RBM26: variants seen among roughly 807,000 people sequenced by gnomAD.
RBM26 encodes RNA-binding protein 26.
Under a neutral mutation model 123.6 loss-of-function variants are expected in RBM26, and 30 were observed. That is an observed-to-expected ratio of 0.24 (90% CI 0.18 to 0.33). The LOEUF (loss-of-function observed/expected upper bound fraction) is 0.33. Among genes scored for constraint, RBM26 ranks in the 10% least tolerant of loss-of-function variants. RBM26 has a pLI of 1.00. For missense variants in RBM26, 947 were observed against 1,203.6 expected (o/e 0.79, Z 3.15); for synonymous variants, 400 against 404.4 (o/e 0.99, Z 0.13).
At chr13:79,403,365 G>T (rs1886493) in intron 1 of RBM26, among the ~76,000 whole-genome samples, 1,728 of 152,236 alleles carry the variant, frequency 0.011, 34 homozygotes, top group African/African-American at 0.039. Context: ...TACAGCCATC[G>T]AGAGTAGGCT....
intron 1 of RBM26, among the ~76,000 whole-genome samples, chr13:79,397,696 AAAAAAAAGAAATGAAGGTAT>A (rs1438756965): frequency 1.3e-5 from 2 of 150,946 alleles, no homozygotes; most frequent in African/African-American, 4.9e-5. Flanking sequence ...AAAAAAAAAA[AAAAAAAAGAAATGAAGGTAT>A]AAAAATCAGA....
At chr13:79,320,741 C>CAAAA in intron 21 of RBM26, 31 bp from the exon 22 acceptor site, 1 of 1,174,446 alleles carries the variant, frequency 8.5e-7, no homozygotes, top group Non-Finnish European at 1.1e-6. Flanking sequence ...AGGAATTTAC[C>CAAAA]CAAAAAAAAA....
At chr13:79,312,178 T>A (rs1159070494) in exon 5 of RBM26, 1 of 152,002 alleles carries the variant, frequency 6.6e-6, no homozygotes, top group African/African-American at 2.4e-5. Context: ...AACAATCCAG[T>A]CTCCAGACAA....
intron 11 of RBM26, among the ~76,000 whole-genome samples, chr13:79,357,124 T>C (rs2074115541): frequency 6.6e-6 from 1 of 152,154 alleles, no homozygotes; most frequent in African/African-American, 2.4e-5. Context: ...TTAACAATAA[T>C]GTAATTATAG....
intron 1 of RBM26, among the ~76,000 whole-genome samples, chr13:79,391,967 T>TA (rs2078038214): frequency 6.9e-6 from 1 of 145,158 alleles, no homozygotes; most frequent in Non-Finnish European, 1.5e-5. Flanking sequence ...TACATAATTA[T>TA]TATATAATTA....
At chr13:79,397,026 G>A (rs983628696) in intron 1 of RBM26, among the ~76,000 whole-genome samples, 5 of 151,810 alleles carry the variant, frequency 3.3e-5, no homozygotes, top group Admixed American at 6.6e-5. Context: ...CTAAAAATAC[G>A]AAAAATTAGC....
intron 14 of RBM26, among the ~76,000 whole-genome samples, chr13:79,348,753 G>A (rs925163199): frequency 1.3e-5 from 2 of 152,152 alleles, no homozygotes; most frequent in African/African-American, 4.8e-5. Flanking sequence ...ACTTAAAGCA[G>A]CACACAGATG....
chr13:79,355,450 C>A, intron 11 of RBM26, 66 bp from the exon 12 acceptor site: 1 of 1,296,018 alleles, frequency 7.7e-7, no homozygotes, highest in Non-Finnish European at 1.1e-6. Context: ...GAGTAAAATT[C>A]CCCAGTAAGT....
At chr13:79,360,184 T>G (rs1382800911) in intron 9 of RBM26, among the ~76,000 whole-genome samples, 3 of 152,164 alleles carry the variant, frequency 2.0e-5, no homozygotes, top group Non-Finnish European at 4.4e-5. Context: ...GTGTCTAATT[T>G]ATAAGTGAAA....
At chr13:79,330,413 C>T (rs1359094425) in intron 20 of RBM26, among the ~76,000 whole-genome samples, 3 of 152,104 alleles carry the variant, frequency 2.0e-5, no homozygotes, top group African/African-American at 7.2e-5. Context: ...GGTTTGTTTA[C>T]CTCTGGACTT....
intron 2 of RBM26, among the ~76,000 whole-genome samples, chr13:79,378,338 G>A (rs962528267): frequency 6.6e-6 from 1 of 152,150 alleles, no homozygotes; most frequent in Non-Finnish European, 1.5e-5. Context: ...TTTTAAATAA[G>A]CTATGGATAT....
intron 1 of RBM26, among the ~76,000 whole-genome samples, chr13:79,402,435 C>CTT (rs35140010): frequency 8.4e-4 from 118 of 140,634 alleles, no homozygotes; most frequent in African/African-American, 1.2e-3. Context: ...CACAGCCAGG[C>CTT]TTTTTTTTTT....
In RBM26 at chr13:79,405,745, G is replaced by C. The variant is rs376932874; in HGVS notation, c.30C>G (p.Phe10Leu). 6.9e-6 allele frequency: 11 copies of C among 1,599,436 alleles called. No homozygotes were observed. Among genetic ancestry groups the C allele is most frequent in the African/African-American group, 2.7e-5 (2 of 74,048 alleles). Reference sequence around the variant, plus strand: ...TGCTGAGCCAGGACTTGAGTGCCTCGAAGTTTTCAATGATCATTTTAGAAA... The same window carrying C: ...TGCTGAGCCAGGACTTGAGTGCCTCCAAGTTTTCAATGATCATTTTAGAAA... MVSKMIIEN[F>L]EALKSWLSKT... Residue 10 changes from phenylalanine (F) to leucine (L), a missense_variant, in exon 1 of 22, where the codon TTC becomes TTG. By Grantham distance (22) the Phe-to-Leu change is conservative. This residue lies in a region of RBM26 where 275 missense variants were observed against 361.0 expected (regional missense o/e 0.76). Coordinates refer to ENST00000438737, the MANE Select transcript of RBM26 (RefSeq NM_001366735.2).
At chr13:79,403,804 C>T (rs1278008868) in intron 1 of RBM26, among the ~76,000 whole-genome samples, 1 of 152,212 alleles carries the variant, frequency 6.6e-6, no homozygotes, top group Non-Finnish European at 1.5e-5. Flanking sequence ...ATCTGCACAA[C>T]TCTACTCCAG....
At chr13:79,378,107 G>A (rs574720417) in intron 2 of RBM26, among the ~76,000 whole-genome samples, 2 of 152,120 alleles carry the variant, frequency 1.3e-5, no homozygotes, top group South Asian at 2.1e-4. Context: ...TCTCCACATC[G>A]CCTACTCAGT....
At chr13:79,403,499 G>T (rs903561619) in intron 1 of RBM26, among the ~76,000 whole-genome samples, 2 of 152,170 alleles carry the variant, frequency 1.3e-5, no homozygotes, top group South Asian at 2.1e-4. Context: ...ATATGAAACT[G>T]AACGCTTAAA....
At chr13:79,323,288 C>T (rs2067917651) in intron 20 of RBM26, among the ~76,000 whole-genome samples, 1 of 151,412 alleles carries the variant, frequency 6.6e-6, no homozygotes, top group Non-Finnish European at 1.5e-5. Flanking sequence ...TCTCAAAGTA[C>T]AGCATAATGT....
chr13:79,339,809 C>A (rs998546673), intron 18 of RBM26, among the ~76,000 whole-genome samples: 2 of 152,020 alleles, frequency 1.3e-5, no homozygotes, highest in African/African-American at 4.8e-5. Context: ...ATTATTTAGC[C>A]TAAGAACCTT....
intron 6 of RBM26, among the ~76,000 whole-genome samples, chr13:79,368,214 C>T (rs1170125891): frequency 6.6e-6 from 1 of 151,974 alleles, no homozygotes; most frequent in Non-Finnish European, 1.5e-5. Context: ...TTAGTAGAGA[C>T]GGGGTTGCAT....
Sources: gnomAD v4.1 joint callset for allele counts (sites outside exome capture counted in the v4.1 genomes callset) on GRCh38, gnomAD v4.1.1 for gene constraint, gnomAD v4.1.1 regional missense constraint, MANE v1.5 for transcripts, NCBI Gene and HGNC (gene_info 2026-07-23, HGNC 2026-07-21) for gene names.